Variants in SGCZ observed in about 807,000 individuals in gnomAD.
SGCZ encodes sarcoglycan zeta, also known as zeta-sarcoglycan.
Under a neutral mutation model 41.3 loss-of-function variants are expected in SGCZ, and 40 were observed. That is an observed-to-expected ratio of 0.97 (90% CI 0.75 to 1.26). SGCZ has a LOEUF of 1.26. SGCZ is among the 50% of genes most tolerant of loss of function. The pLI is 0.00. For missense variants in SGCZ, 552 were observed against 369.8 expected (o/e 1.49, Z -4.04); for synonymous variants, 206 against 137.5 (o/e 1.50, Z -3.49).
At chr8:14,441,287 A>G (rs1304637230) in intron 2 of SGCZ, among the ~76,000 whole-genome samples, 1 of 152,172 alleles carries the variant, frequency 6.6e-6, no homozygotes, top group Non-Finnish European at 1.5e-5. Context: ...ATTTAAAACA[A>G]TCATTTTGGC....
At chr8:15,107,603 T>A (rs919967781) in intron 1 of SGCZ, among the ~76,000 whole-genome samples, 1 of 152,186 alleles carries the variant, frequency 6.6e-6, no homozygotes, top group Non-Finnish European at 1.5e-5. Flanking sequence ...GCCAGCACCA[T>A]GTTTCTTGAA....
intron 1 of SGCZ, among the ~76,000 whole-genome samples, chr8:14,658,490 C>T (rs983516081): frequency 1.3e-5 from 2 of 152,004 alleles, no homozygotes; most frequent in Non-Finnish European, 2.9e-5. Flanking sequence ...TGATAAGATG[C>T]GCAGCCTCCA....
At chr8:14,627,910 T>C (rs184420931) in intron 1 of SGCZ, among the ~76,000 whole-genome samples, 14 of 152,222 alleles carry the variant, frequency 9.2e-5, no homozygotes, top group Admixed American at 5.2e-4. Context: ...GAAACTAATA[T>C]AAATTAATTC....
intron 2 of SGCZ, among the ~76,000 whole-genome samples, chr8:14,445,491 C>A (rs1033692098): frequency 6.6e-6 from 1 of 152,022 alleles, no homozygotes; most frequent in Non-Finnish European, 1.5e-5. Context: ...GGTGACTGGA[C>A]TTTAAGGAGA....
chr8:15,105,246 G>A (rs137896430), intron 1 of SGCZ, among the ~76,000 whole-genome samples: 11 of 152,210 alleles, frequency 7.2e-5, no homozygotes, highest in Admixed American at 4.6e-4. Context: ...CAAATACGTT[G>A]CCAGTTTCAC....
At chr8:14,852,973 G>A (rs554342583) in intron 1 of SGCZ, among the ~76,000 whole-genome samples, 1 of 152,288 alleles carries the variant, frequency 6.6e-6, no homozygotes, top group South Asian at 2.1e-4. Context: ...GAGATGATCA[G>A]ATATATACTG....
intron 4 of SGCZ, among the ~76,000 whole-genome samples, chr8:14,235,175 C>A (rs17213822): frequency 0.22 from 33,832 of 152,156 alleles, 3,969 homozygotes; most frequent in East Asian, 0.33. Context: ...ACCCAACCAA[C>A]TACTAAATAG....
At chr8:15,116,124 C>G (rs1807258927) in intron 1 of SGCZ, among the ~76,000 whole-genome samples, 1 of 152,102 alleles carries the variant, frequency 6.6e-6, no homozygotes, top group Admixed American at 6.6e-5. Context: ...TGGTCTGCAG[C>G]CATTAGTTTG....
At chr8:14,401,625 G>C (rs553768235) in intron 2 of SGCZ, among the ~76,000 whole-genome samples, 1 of 151,402 alleles carries the variant, frequency 6.6e-6, no homozygotes, top group African/African-American at 2.4e-5. Flanking sequence ...ACTCATCATT[G>C]TTTATGGCTG....
intron 1 of SGCZ, among the ~76,000 whole-genome samples, chr8:14,702,954 T>C (rs1416845454): frequency 1.4e-5 from 2 of 139,820 alleles, no homozygotes; most frequent in African/African-American, 5.4e-5. Context: ...GATAGATAGA[T>C]AGATAGATAG....
intron 2 of SGCZ, among the ~76,000 whole-genome samples, chr8:14,466,848 C>A (rs1210043634): frequency 1.3e-5 from 2 of 151,668 alleles, no homozygotes; most frequent in African/African-American, 4.8e-5. Context: ...TTTGTTTATA[C>A]ATTGTTTTCT....
intron 3 of SGCZ, among the ~76,000 whole-genome samples, chr8:14,264,720 G>T (rs1799814214): frequency 6.6e-6 from 1 of 152,194 alleles, no homozygotes; most frequent in Admixed American, 6.5e-5. Flanking sequence ...CCAGCACTTT[G>T]GGAGTCCGAG....
chr8:14,658,959 A>G (rs1307348917), intron 1 of SGCZ, among the ~76,000 whole-genome samples: 3 of 152,124 alleles, frequency 2.0e-5, no homozygotes, highest in African/African-American at 4.8e-5. Flanking sequence ...AAGTCTCTAC[A>G]GCTCTCTAGG....
chr8:14,213,144 T>A (rs1172741026), intron 4 of SGCZ, among the ~76,000 whole-genome samples: 1 of 152,100 alleles, frequency 6.6e-6, no homozygotes, highest in East Asian at 1.9e-4. Context: ...ATAAAAAATA[T>A]TCAAGGAAAG....
intron 3 of SGCZ, among the ~76,000 whole-genome samples, chr8:14,321,785 G>T (rs1384041025): frequency 6.6e-6 from 1 of 151,968 alleles, no homozygotes; most frequent in Non-Finnish European, 1.5e-5. Context: ...TAAAATTGTT[G>T]ACTATATGAA....
chr8:14,836,932 G>T (rs575086149), intron 1 of SGCZ, among the ~76,000 whole-genome samples: 1 of 152,120 alleles, frequency 6.6e-6, no homozygotes, highest in Non-Finnish European at 1.5e-5. Context: ...CACTTGTCCA[G>T]CTTTAAATTA....
chr8:14,331,599 A>G (rs907654509), intron 2 of SGCZ, among the ~76,000 whole-genome samples: 1 of 152,132 alleles, frequency 6.6e-6, no homozygotes, highest in African/African-American at 2.4e-5. Context: ...TTTGACCTCT[A>G]ATTCAACTTG....
At chr8:14,587,900 G>T (rs531357085) in intron 1 of SGCZ, among the ~76,000 whole-genome samples, 2 of 152,220 alleles carry the variant, frequency 1.3e-5, no homozygotes, top group South Asian at 4.1e-4. Context: ...GGGCAAGCTT[G>T]TAAGAGACTC....
At position 14,446,461 on chromosome 8, in the gene SGCZ, C is replaced by A. The variant is rs376487893; in HGVS notation, c.234+108271G>T. On this transcript the variant is annotated intron_variant, in intron 2 of 7. Coordinates refer to ENST00000382080, the MANE Select transcript of SGCZ (RefSeq NM_139167.4). Reference sequence around the variant, plus strand: ...GTTCCAAATGACAATTCTCTGATTCCCAAATAAATTGTATAGAGATTCATT... The same window carrying A: ...GTTCCAAATGACAATTCTCTGATTCACAAATAAATTGTATAGAGATTCATT... Among the ~76,000 whole-genome samples, 9 of 152,160 alleles carry A rather than the reference C, an allele frequency of 5.9e-5. No homozygotes were observed. In the East Asian group the frequency reaches 1.4e-3, roughly 23 times the overall value.
Sources: allele counts gnomAD v4.1 joint callset (sites outside exome capture counted in the v4.1 genomes callset), GRCh38; gene constraint gnomAD v4.1.1; transcripts MANE v1.5; gene names NCBI Gene and HGNC (gene_info 2026-07-23, HGNC 2026-07-21).